Variants in EFR3B observed in about 807,000 individuals in gnomAD.
The protein encoded by EFR3B is protein EFR3 homolog B.
EFR3B carries 64 observed loss-of-function variants against 104.7 expected under a neutral mutation model. The ratio of observed to expected loss-of-function variants is 0.61; its 90% CI spans 0.50 to 0.75. The LOEUF (loss-of-function observed/expected upper bound fraction) is 0.75, where lower values mean the gene tolerates loss of function less well. Ranked by LOEUF, EFR3B falls within the 30% of genes least tolerant of loss-of-function variation. The pLI is 0.00. For synonymous variants in EFR3B, 385 were observed against 417.9 expected, an observed-to-expected ratio of 0.92 and a Z score of 0.96; for missense variants, 750 against 1,078.5, an observed-to-expected ratio of 0.70 and a Z score of 4.27.
In EFR3B at chr2:25,156,290, G is replaced by GTTTTTTTTTTTTT. The variant is rs1034346702; in HGVS notation, c.*1963_*1975dup. On this transcript the variant is annotated 3_prime_UTR_variant, in exon 23 of 23. Transcript: ENST00000403714. ...TGTGGGCACACAGCTTCTTTTTCTT[G>GTTTTTTTTTTTTT]TTTTTTTTTTTTTTTTTTTTTTTTT... The GTTTTTTTTTTTTT allele has an allele frequency of 5.4e-4, 39 of 71,770 alleles. No homozygotes were observed. Among genetic ancestry groups the GTTTTTTTTTTTTT allele is most frequent in the Non-Finnish European group, 7.1e-4 (28 of 39,576 alleles). The allele number at this position is 71,770 out of a possible 1,614,324, so 4.4% of individuals were successfully genotyped here. A position where few individuals can be genotyped will look rare whatever the true frequency, so the allele number is the denominator to read the frequency against.
chr2:25,079,438 C>G (rs920153873), intron 1 of EFR3B, among the ~76,000 whole-genome samples: 4 of 152,172 alleles, frequency 2.6e-5, no homozygotes, highest in African/African-American at 9.7e-5. Context: ...CACTTAACCT[C>G]TCTGATCCTG....
intron 5 of EFR3B, among the ~76,000 whole-genome samples, chr2:25,124,739 A>G (rs1670118554): frequency 1.3e-4 from 1 of 7,958 alleles, no homozygotes; most frequent in African/African-American, 2.7e-4. Flanking sequence ...ACTCTGTCTC[A>G]AAAAAAAAAA....
At chr2:25,064,570 C>T (rs957049124) in intron 1 of EFR3B, among the ~76,000 whole-genome samples, 1 of 152,140 alleles carries the variant, frequency 6.6e-6, no homozygotes. Context: ...AGATTCTACT[C>T]GCTATGATGC....
chr2:25,091,488 C>CTTCCCCACCCGGCA, intron 2 of EFR3B, 87 bp downstream of exon 2: 2 of 1,271,250 alleles, frequency 1.6e-6, no homozygotes, highest in Non-Finnish European at 2.1e-6. Flanking sequence ...GGCCTCCTGC[C>CTTCCCCACCCGGCA]GGGTGGGGAA....
chr2:25,129,540 C>G (rs974548403), intron 6 of EFR3B, among the ~76,000 whole-genome samples: 2 of 151,966 alleles, frequency 1.3e-5, no homozygotes, highest in Non-Finnish European at 2.9e-5. Context: ...AACCACTGTG[C>G]CTTTCCTTTT....
At chr2:25,134,974 A>G (rs1224390826) in intron 12 of EFR3B, among the ~76,000 whole-genome samples, 1 of 152,212 alleles carries the variant, frequency 6.6e-6, no homozygotes, top group African/African-American at 2.4e-5. Flanking sequence ...CATTATTGCC[A>G]GGCTAACAGA....
intron 1 of EFR3B, among the ~76,000 whole-genome samples, chr2:25,045,580 A>ATTTG: frequency 6.6e-6 from 1 of 151,924 alleles, no homozygotes; most frequent in South Asian, 2.1e-4. Context: ...TCAGGAGGTC[A>ATTTG]AGACCAGCCT....
In EFR3B at chr2:25,121,803, G is replaced by C. The variant is rs1192861327; in HGVS notation, c.485+9G>C. The C allele has an allele frequency of 1.9e-6, 3 of 1,551,808 alleles. No individual in the cohort carries two copies. Among genetic ancestry groups the C allele is most frequent in the Non-Finnish European group, 1.7e-6 (2 of 1,147,010 alleles). ...TTAGAAATCAAGACCAAGTGAGTAG[G>C]GGAAGGCAAGGGTAGTTGGTTCAGC... On this transcript the variant is annotated intron_variant, in intron 5 of 22. Coordinates refer to ENST00000403714, the MANE Select transcript of EFR3B (RefSeq NM_014971.2).
At chr2:25,071,777 A>T (rs1314438450) in intron 1 of EFR3B, among the ~76,000 whole-genome samples, 2 of 152,086 alleles carry the variant, frequency 1.3e-5, no homozygotes, top group East Asian at 3.9e-4. Flanking sequence ...CTTAATCGAT[A>T]CCTTTCAGCC....
At chr2:25,102,141 GT>G (rs1159029300) in intron 3 of EFR3B, among the ~76,000 whole-genome samples, 1 of 152,190 alleles carries the variant, frequency 6.6e-6, no homozygotes, top group African/African-American at 2.4e-5. Context: ...GGGTTGTCCT[GT>G]AAAGGCTAGT....
intron 1 of EFR3B, among the ~76,000 whole-genome samples, chr2:25,068,692 C>T (rs1268351884): frequency 1.3e-5 from 2 of 150,794 alleles, no homozygotes; most frequent in Non-Finnish European, 3.0e-5. Flanking sequence ...TACAGTGGCG[C>T]GATCTCGGCT....
At chr2:25,078,635 G>A (rs960029933) in intron 1 of EFR3B, among the ~76,000 whole-genome samples, 1 of 152,184 alleles carries the variant, frequency 6.6e-6, no homozygotes, top group African/African-American at 2.4e-5. Flanking sequence ...AGAAGAAAAT[G>A]AGACCTAGGA....
chr2:25,133,115 G>A, intron 11 of EFR3B, 101 bp downstream of exon 11: 1 of 1,153,938 alleles, frequency 8.7e-7, no homozygotes, highest in Non-Finnish European at 1.2e-6. Context: ...TCTGCCCTCT[G>A]CTCTCTTTTT....
intron 1 of EFR3B, among the ~76,000 whole-genome samples, chr2:25,059,573 G>C (rs987352542): frequency 1.5e-4 from 8 of 54,468 alleles, no homozygotes; most frequent in South Asian, 1.7e-3. Context: ...CAGGGACTGC[G>C]GGGGGGGGGG....
Position 25,105,431 on chromosome 2 carries a change from G to A in EFR3B, c.363+1644G>A, listed in dbSNP as rs184837510. Among the ~76,000 whole-genome samples the A allele has an allele frequency of 1.2e-4, 18 of 152,332 alleles. No homozygotes were observed. The East Asian group carries it at 2.9e-3, about 24-fold the overall frequency. Reference sequence around the variant, plus strand: ...CTCCCAAAGTGCTGGAATTACAGGCGTGAGCCACCACGCCCAGCCCTCAAT... The same window carrying A: ...CTCCCAAAGTGCTGGAATTACAGGCATGAGCCACCACGCCCAGCCCTCAAT... On this transcript the variant is annotated intron_variant, in intron 4 of 22. Coordinates refer to ENST00000403714, the MANE Select transcript of EFR3B (RefSeq NM_014971.2).
At chr2:25,121,549 C>A (rs183727710) in intron 4 of EFR3B, 124 bp from the exon 5 acceptor site, 29 of 1,265,010 alleles carry the variant, frequency 2.3e-5, no homozygotes, top group Non-Finnish European at 3.0e-5. Context: ...GCAAGGCCGG[C>A]CAAGCTGGCT....
chr2:25,128,457 T>G (rs1318136909), intron 6 of EFR3B, 125 bp downstream of exon 6: 2 of 1,303,574 alleles, frequency 1.5e-6, no homozygotes, highest in Non-Finnish European at 2.1e-6. Context: ...GCTTTGTGGC[T>G]TGTTCTGCAG....
At chr2:25,102,003 T>C (rs931950147) in intron 3 of EFR3B, among the ~76,000 whole-genome samples, 1 of 152,258 alleles carries the variant, frequency 6.6e-6, no homozygotes, top group Non-Finnish European at 1.5e-5. Context: ...TTACTAGTTA[T>C]GTCATACTCT....
intron 1 of EFR3B, chr2:25,081,632 G>T (rs1668809552): frequency 1.4e-6 from 1 of 690,354 alleles, no homozygotes; most frequent in Non-Finnish European, 2.6e-6. Context: ...GTCCAGAGAA[G>T]GTGGCCCCGA....
Sources: gnomAD v4.1 joint callset for allele counts (sites outside exome capture counted in the v4.1 genomes callset) on GRCh38, gnomAD v4.1.1 for gene constraint, MANE v1.5 for transcripts, NCBI Gene and HGNC (gene_info 2026-07-23, HGNC 2026-07-21) for gene names.